The following AGPAT3 variants were observed in gnomAD, a reference collection of about 807,000 sequenced individuals.
The protein encoded by AGPAT3 is 1-acyl-sn-glycerol-3-phosphate acyltransferase gamma.
Under a neutral mutation model 47.3 loss-of-function variants are expected in AGPAT3, and 5 were observed. The ratio of observed to expected loss-of-function variants is 0.11; its 90% CI spans 0.06 to 0.22. The LOEUF (loss-of-function observed/expected upper bound fraction) is 0.22, where lower values mean the gene tolerates loss of function less well. AGPAT3 is among the 10% of genes least tolerant of loss of function. AGPAT3 has a pLI of 1.00. For missense variants in AGPAT3, 315 were observed against 493.0 expected (o/e 0.64, Z 3.42); for synonymous variants, 212 against 208.3 (o/e 1.02, Z -0.15).
At chr21:43,918,129 G>T (rs867521975) in intron 2 of AGPAT3, among the ~76,000 whole-genome samples, 13 of 145,974 alleles carry the variant, frequency 8.9e-5, no homozygotes, top group African/African-American at 3.3e-4. Flanking sequence ...GTGTTGTGGG[G>T]GTTGTGGGTG....
At chr21:43,898,061 A>G (rs1003170082) in intron 1 of AGPAT3, among the ~76,000 whole-genome samples, 1 of 152,176 alleles carries the variant, frequency 6.6e-6, no homozygotes, top group Non-Finnish European at 1.5e-5. Flanking sequence ...GGGAGGTTGC[A>G]GCGAGCTGAG....
intron 8 of AGPAT3, among the ~76,000 whole-genome samples, chr21:43,978,475 C>CA (rs2089708541): frequency 6.6e-6 from 1 of 151,984 alleles, no homozygotes; most frequent in Non-Finnish European, 1.5e-5. Context: ...GCTAATGATT[C>CA]AAAAAATGTA....
rs1411540829 is a variant in AGPAT3, at chr21:43,939,232, G to T, written c.-48-20402G>T. 2.0e-5 allele frequency among the ~76,000 whole-genome samples: 3 copies of T among 152,098 alleles called. No individual in the cohort carries two copies. Among genetic ancestry groups the T allele is most frequent in the Non-Finnish European group, 4.4e-5 (3 of 67,996 alleles). ...TGCACTGGCCGGGCCTCCAGGGGGCGCTCCCTTAGGAACACCCCATCCCCG... is the reference window on the plus strand; with the variant it reads ...TGCACTGGCCGGGCCTCCAGGGGGCTCTCCCTTAGGAACACCCCATCCCCG... On this transcript the variant is annotated intron_variant, in intron 2 of 9. Coordinates refer to ENST00000291572, the MANE Select transcript of AGPAT3 (RefSeq NM_020132.5). This position sits in a 1 kb window ranked among gnomAD's most constrained non-coding sequence, Gnocchi z 4.4.
intron 2 of AGPAT3, among the ~76,000 whole-genome samples, chr21:43,945,834 T>C (rs1853783035): frequency 1.3e-5 from 2 of 152,228 alleles, no homozygotes; most frequent in Admixed American, 6.5e-5. Flanking sequence ...GTTTAGAACA[T>C]TGTGGAATGC....
chr21:43,867,152 A>T (rs2085526594), intron 1 of AGPAT3: 1 of 152,276 alleles, frequency 6.6e-6, no homozygotes, highest in Non-Finnish European at 1.5e-5. Flanking sequence ...CGTGACTGAT[A>T]CACCTGCCTC....
At chr21:43,871,603 T>C (rs1312113118) in intron 1 of AGPAT3, among the ~76,000 whole-genome samples, 3 of 152,200 alleles carry the variant, frequency 2.0e-5, no homozygotes, top group Admixed American at 2.0e-4. Flanking sequence ...AGATGCAAAG[T>C]GTTGTGCAGT....
intron 3 of AGPAT3, among the ~76,000 whole-genome samples, chr21:43,960,170 A>G (rs760924551): frequency 8.5e-5 from 13 of 152,244 alleles, no homozygotes; most frequent in Non-Finnish European, 1.3e-4. Flanking sequence ...CCAAGCTCCA[A>G]CAGCTCCCTA....
chr21:43,877,868 C>T (rs1026096334), intron 1 of AGPAT3, among the ~76,000 whole-genome samples: 4 of 152,114 alleles, frequency 2.6e-5, no homozygotes, highest in Non-Finnish European at 5.9e-5. Flanking sequence ...AGGACAGAAA[C>T]CTGGGCCCCA....
At chr21:43,962,867 G>A (rs2088942222) in intron 3 of AGPAT3, among the ~76,000 whole-genome samples, 2 of 142,860 alleles carry the variant, frequency 1.4e-5, no homozygotes, top group African/African-American at 2.6e-5. Context: ...GAATGACAAC[G>A]TAAACAGCAG....
chr21:43,898,841 C>A (rs2086286044), intron 1 of AGPAT3, among the ~76,000 whole-genome samples: 1 of 151,866 alleles, frequency 6.6e-6, no homozygotes, highest in South Asian at 2.1e-4. Flanking sequence ...TATTTAAATT[C>A]TTTTTTACTT....
In AGPAT3 at chr21:43,970,197, G is replaced by A. The variant is rs185357937; in HGVS notation, c.511-456G>A. Among the ~76,000 whole-genome samples, 19 of 151,894 alleles carry A rather than the reference G, an allele frequency of 1.3e-4. No homozygotes were observed. The East Asian group carries it at 2.3e-3, about 19-fold the overall frequency. ...TAATTTTTGTATTTTCAGTAGAGAC[G>A]GGGTTTCACCATGTTGGCCAGGCTG... is the stretch of plus-strand genomic sequence containing the variant. On this transcript the variant is annotated intron_variant, in intron 5 of 9. Transcript: ENST00000291572. This position sits in a 1 kb window ranked among gnomAD's most constrained non-coding sequence, Gnocchi z 5.8.
At chr21:43,912,841 G>A (rs937093217) in intron 2 of AGPAT3, among the ~76,000 whole-genome samples, 11 of 152,206 alleles carry the variant, frequency 7.2e-5, no homozygotes, top group Admixed American at 5.9e-4. Flanking sequence ...CGCTGTGCAT[G>A]CACGAGGCTG....
chr21:43,907,012 G>A lies in AGPAT3; in HGVS notation c.-49+2993G>A, dbSNP rs560164824. Among the ~76,000 whole-genome samples the A allele has an allele frequency of 4.6e-5, 7 of 151,768 alleles. No homozygotes were observed. In the East Asian group the frequency reaches 1.4e-3, roughly 29 times the overall value. On this transcript the variant is annotated intron_variant, in intron 2 of 9. Transcript: ENST00000291572. The stretch of plus-strand genomic sequence containing the variant: ...CAGGGGGCTTCAGGGGCTGGCGAGG[G>A]TCTGTTTCTTTTCTTTCTTTTTTTT...
intron 2 of AGPAT3, among the ~76,000 whole-genome samples, chr21:43,914,146 T>C (rs150075724): frequency 2.6e-5 from 4 of 152,302 alleles, no homozygotes; most frequent in East Asian, 1.9e-4. Context: ...AAGAAAATTA[T>C]GCTGCACAAG....
intron 8 of AGPAT3, among the ~76,000 whole-genome samples, chr21:43,979,823 C>G (rs1024533679): frequency 1.3e-5 from 2 of 152,208 alleles, no homozygotes; most frequent in Admixed American, 6.5e-5. Context: ...GGCCAGGACA[C>G]GATGACACCT....
At chr21:43,947,211 G>A (rs1466956685) in intron 2 of AGPAT3, among the ~76,000 whole-genome samples, 1 of 152,256 alleles carries the variant, frequency 6.6e-6, no homozygotes, top group Non-Finnish European at 1.5e-5. Context: ...TGGCAGTGAT[G>A]CAGTGGCAGA....
chr21:43,955,182 C>T lies in AGPAT3; in HGVS notation c.-48-4452C>T, dbSNP rs548355766. On this transcript the variant is annotated intron_variant, in intron 2 of 9. Coordinates refer to ENST00000291572, the MANE Select transcript of AGPAT3 (RefSeq NM_020132.5). The surrounding 1 kb of genome is among the most constrained non-coding windows in gnomAD (Gnocchi z 4.1). ...CTGTCCCGGGGCCGTCTCAGAAGCACCGCGCTGGACCGGCTGGGCCAGATG... is the reference window on the plus strand; with the variant it reads ...CTGTCCCGGGGCCGTCTCAGAAGCATCGCGCTGGACCGGCTGGGCCAGATG... The T allele has an allele frequency of 7.9e-4, 999 of 1,268,522 alleles. 4 individuals carry two copies. The highest frequency in any genetic ancestry group is 1.5e-3 in the South Asian group (121 of 78,422). 78.6% of individuals were successfully genotyped at this position (1,268,522 alleles called of 1,614,324 possible). A position where few individuals can be genotyped will look rare whatever the true frequency, so the allele number is the denominator to read the frequency against.
rs2088631201 is a variant in AGPAT3 at position 43,958,805 on chromosome 21, GTGTGTAGTGTGTGTGGTTTGTGA to G, written c.-48-823_-48-801del. ...GTGTGGCATATGTGTGGTTTGCAGT[GTGTGTAGTGTGTGTGGTTTGTGA>G]TGTGTGGTGTGTGTGGCATGTGTGG... is the stretch of plus-strand genomic sequence containing the variant. On this transcript the variant is annotated intron_variant, in intron 2 of 9. Transcript: ENST00000291572. Among the ~76,000 whole-genome samples, 5 of 148,968 alleles carry G rather than the reference GTGTGTAGTGTGTGTGGTTTGTGA, an allele frequency of 3.4e-5. No individual in the cohort carries two copies. In the South Asian group the frequency reaches 1.1e-3, roughly 32 times the overall value.
Position 43,868,051 on chromosome 21 carries a change from T to C in AGPAT3, c.-112+2706T>C, listed in dbSNP as rs1182184007. Among the ~76,000 whole-genome samples the C allele has an allele frequency of 2.0e-5, 3 of 152,256 alleles. No individual in the cohort carries two copies. In the East Asian group the frequency reaches 5.8e-4, roughly 29 times the overall value. On this transcript the variant is annotated intron_variant, in intron 1 of 9. Transcript: ENST00000291572. ...ATTAATCGTTCACCTTCTGACAGGC[T>C]TTCATGTAGTCATTTACAAGCGGCC...
Sources: allele counts gnomAD v4.1 joint callset (sites outside exome capture counted in the v4.1 genomes callset), GRCh38; gene constraint gnomAD v4.1.1; non-coding constraint Gnocchi (gnomAD v3.1); transcripts MANE v1.5; gene names NCBI Gene and HGNC (gene_info 2026-07-23, HGNC 2026-07-21).